NF2: variants seen among roughly 807,000 people sequenced by gnomAD.
NF2 encodes NF2, moesin-ezrin-radixin like (MERLIN) tumor suppressor.
NF2 carries 8 observed loss-of-function variants against 83.7 expected under a neutral mutation model. The observed-to-expected ratio is 0.10, with a 90% confidence interval of 0.06 to 0.17. The LOEUF (loss-of-function observed/expected upper bound fraction) is 0.17. Among genes scored for constraint, NF2 ranks in the 10% least tolerant of loss-of-function variants. The pLI is 1.00. For missense variants in NF2, 533 were observed against 744.4 expected (o/e 0.72, Z 3.31); for synonymous variants, 266 against 269.6 (o/e 0.99, Z 0.13).
intron 15 of NF2, among the ~76,000 whole-genome samples, chr22:29,685,713 T>C (rs779840262): frequency 1.3e-5 from 2 of 152,156 alleles, no homozygotes; most frequent in Non-Finnish European, 2.9e-5. Flanking sequence ...GCCTGGCCAT[T>C]GTATTTGTCC....
At chr22:29,620,684 C>G (rs558707020) in intron 1 of NF2, among the ~76,000 whole-genome samples, 1 of 152,030 alleles carries the variant, frequency 6.6e-6, no homozygotes, top group African/African-American at 2.4e-5. Context: ...GAGATTGAGC[C>G]ACTGCACTCC....
At chr22:29,640,696 T>C (rs531253554) in intron 3 of NF2, among the ~76,000 whole-genome samples, 4 of 152,310 alleles carry the variant, frequency 2.6e-5, no homozygotes, top group African/African-American at 9.6e-5. Flanking sequence ...AGCCTCAGTA[T>C]ATTGTGGTCA....
intron 15 of NF2, among the ~76,000 whole-genome samples, chr22:29,692,907 C>T (rs2067445845): frequency 6.6e-6 from 1 of 152,246 alleles, no homozygotes; most frequent in South Asian, 2.1e-4. Flanking sequence ...GCCCGCTTCA[C>T]AGTGAGGAAC....
At chr22:29,642,958 AC>A (rs1190496468) in intron 4 of NF2, among the ~76,000 whole-genome samples, 1 of 142,454 alleles carries the variant, frequency 7.0e-6, no homozygotes. Context: ...ATCACTATAG[AC>A]CTTTTTTTTT....
chr22:29,665,773 AAAAG>A (rs2066605124), intron 9 of NF2, among the ~76,000 whole-genome samples: 2 of 151,732 alleles, frequency 1.3e-5, no homozygotes, highest in East Asian at 3.9e-4. Context: ...AAAAAAAAGA[AAAAG>A]AAAAAGGAAA....
At chr22:29,624,295 C>T (rs1359289038) in intron 1 of NF2, among the ~76,000 whole-genome samples, 1 of 152,120 alleles carries the variant, frequency 6.6e-6, no homozygotes. Context: ...GCAACCTTTG[C>T]CTCCCGGGTT....
In NF2 at chr22:29,642,282, C is replaced by T. The variant is rs2146895051; in HGVS notation, c.444C>T (p.Ala148=). ...SVLLASYAVQ[A]KYGDYDPSVH... is the part of the protein sequence containing the mutation. ...TCCTGGCTTCTTACGCCGTCCAGGC[C>T]AAGGTAGGCTCAAAGAAGAAAAATG... The change falls in exon 4 of 16, where the codon GCC becomes GCT. Residue 148 remains alanine, a synonymous_variant. Transcript: ENST00000338641. The T allele has an allele frequency of 1.2e-6, 2 of 1,613,684 alleles. No individual in the cohort carries two copies. The highest frequency in any genetic ancestry group is 1.7e-6 in the Non-Finnish European group (2 of 1,179,620).
intron 3 of NF2, among the ~76,000 whole-genome samples, chr22:29,639,698 A>G (rs907578101): frequency 6.8e-6 from 1 of 147,976 alleles, no homozygotes; most frequent in Non-Finnish European, 1.5e-5. Flanking sequence ...TCTGGCTAAC[A>G]TGGTGAAACC....
chr22:29,627,258 A>G (rs1042391419), intron 1 of NF2, among the ~76,000 whole-genome samples: 2 of 152,210 alleles, frequency 1.3e-5, no homozygotes, highest in South Asian at 2.1e-4. Flanking sequence ...CTTGATGATT[A>G]TGGAAGCCGA....
intron 1 of NF2, among the ~76,000 whole-genome samples, chr22:29,626,884 C>T (rs1407672806): frequency 6.6e-6 from 1 of 152,188 alleles, no homozygotes; most frequent in Non-Finnish European, 1.5e-5. Flanking sequence ...CTCAGTATAT[C>T]ACACATTTGT....
chr22:29,603,995 C>A lies in NF2; in HGVS notation c.-4C>A, dbSNP rs902662740. ...GCGAGGGTCCCGGGCCTGAGCCCCG[C>A]GCCATGGCCGGGGCCATCGCTTCCC... On this transcript the variant is annotated 5_prime_UTR_variant, in exon 1 of 16. Coordinates refer to ENST00000338641, the MANE Select transcript of NF2 (RefSeq NM_000268.4). The A allele has an allele frequency of 7.0e-6, 11 of 1,572,534 alleles. No individual in the cohort carries two copies. Among genetic ancestry groups the A allele is most frequent in the East Asian group, 2.3e-5 (1 of 43,000 alleles).
At position 29,666,502 on chromosome 22, in the gene NF2, G is replaced by A. The variant is rs138236303; in HGVS notation, c.885+1438G>A. Among the ~76,000 whole-genome samples the A allele has an allele frequency of 5.3e-4, 80 of 151,938 alleles. 1 individual carries two copies. In the East Asian group the frequency reaches 0.015, roughly 28 times the overall value. ...TGTATCTGCCTCCTGGTGCACATAG[G>A]CAATAGTTTCTTTGGAGTCTTGAGT... On this transcript the variant is annotated intron_variant, in intron 9 of 15. Transcript: ENST00000338641.
chr22:29,640,194 T>TA (rs11379333), intron 3 of NF2, among the ~76,000 whole-genome samples: 18,229 of 92,720 alleles, frequency 0.2, 2,007 homozygotes, highest in Admixed American at 0.28. Context: ...GACTCTGTCT[T>TA]AAAAAAAAAA....
At chr22:29,660,540 T>C (rs1429317039) in intron 7 of NF2, among the ~76,000 whole-genome samples, 1 of 152,204 alleles carries the variant, frequency 6.6e-6, no homozygotes, top group African/African-American at 2.4e-5. Flanking sequence ...AATGGTTTCT[T>C]TAAATATAAG....
At chr22:29,663,238 A>G (rs2066525352) in intron 8 of NF2, among the ~76,000 whole-genome samples, 1 of 152,178 alleles carries the variant, frequency 6.6e-6, no homozygotes. Context: ...AAGTCTGTTT[A>G]TTGCACGTCC....
At chr22:29,672,767 CA>C (rs1184666814) in intron 11 of NF2, among the ~76,000 whole-genome samples, 1 of 148,930 alleles carries the variant, frequency 6.7e-6, no homozygotes, top group Admixed American at 6.7e-5. Context: ...AGGTGCGCGC[CA>C]ACACATCCAG....
At chr22:29,665,867 G>A (rs770227692) in intron 9 of NF2, among the ~76,000 whole-genome samples, 8 of 152,004 alleles carry the variant, frequency 5.3e-5, no homozygotes, top group Middle Eastern at 6.9e-3. Context: ...TCTCCCCAAG[G>A]GTGATCACTG....
chr22:29,637,295 A>G (rs2065674832), intron 2 of NF2, among the ~76,000 whole-genome samples: 1 of 152,238 alleles, frequency 6.6e-6, no homozygotes, highest in South Asian at 2.1e-4. Flanking sequence ...GAGGAACACC[A>G]TAGTCTGACA....
At chr22:29,676,286 G>A (rs1344371504) in intron 13 of NF2, among the ~76,000 whole-genome samples, 1 of 151,728 alleles carries the variant, frequency 6.6e-6, no homozygotes, top group African/African-American at 2.4e-5. Flanking sequence ...CGATCTTCCC[G>A]CCCCAGTCTC....
Sources: allele counts gnomAD v4.1 joint callset (sites outside exome capture counted in the v4.1 genomes callset), GRCh38; gene constraint gnomAD v4.1.1; transcripts MANE v1.5; gene names NCBI Gene and HGNC (gene_info 2026-07-23, HGNC 2026-07-21).